The following NIPSNAP2 variants were observed in gnomAD, a reference collection of about 807,000 sequenced individuals.
NIPSNAP2 encodes the protein nipsnap homolog 2.
A neutral mutation model predicts 48.4 loss-of-function variants in NIPSNAP2; 42 were observed. The observed-to-expected ratio is 0.87, with a 90% CI of 0.68 to 1.12. The LOEUF (loss-of-function observed/expected upper bound fraction) is 1.12. Ranked by LOEUF, NIPSNAP2 falls within the 50% of genes most tolerant of loss-of-function variation. The pLI is 0.00. For missense variants in NIPSNAP2, 314 were observed against 347.3 expected, an observed-to-expected ratio of 0.90 and a Z score of 0.76; for synonymous variants, 158 against 126.6, an observed-to-expected ratio of 1.25 and a Z score of -1.67.
intron 1 of NIPSNAP2, among the ~76,000 whole-genome samples, chr7:55,969,558 G>A (rs1055860085): frequency 1.3e-5 from 2 of 152,252 alleles, no homozygotes; most frequent in South Asian, 4.1e-4. Context: ...TCATTGAAGA[G>A]CTTGTCTGTT....
At chr7:55,967,365 C>T (rs183425986) in intron 1 of NIPSNAP2, among the ~76,000 whole-genome samples, 47 of 152,316 alleles carry the variant, frequency 3.1e-4, no homozygotes, top group African/African-American at 1.1e-3. Context: ...GTCTTGAATC[C>T]ACCCTCTCCA....
intron 1 of NIPSNAP2, among the ~76,000 whole-genome samples, chr7:55,966,882 G>A (rs1269363951): frequency 6.6e-6 from 1 of 152,192 alleles, no homozygotes; most frequent in African/African-American, 2.4e-5. Context: ...GATGTGCAGC[G>A]TATATAGGCT....
At chr7:55,974,311 T>A (rs1353731220) in intron 1 of NIPSNAP2, among the ~76,000 whole-genome samples, 1 of 151,198 alleles carries the variant, frequency 6.6e-6, no homozygotes, top group Non-Finnish European at 1.5e-5. Context: ...TCATGTGAAA[T>A]TTAGAGCCCT....
chr7:55,964,907 G>T (rs891406693), intron 1 of NIPSNAP2: 1 of 208,168 alleles, frequency 4.8e-6, no homozygotes, highest in East Asian at 1.1e-4. Context: ...CGGAGGGGAC[G>T]GGCCGCTCTG....
At chr7:55,978,595 A>G in intron 3 of NIPSNAP2, 200 bp downstream of exon 3, 1 of 570,904 alleles carries the variant, frequency 1.8e-6, no homozygotes, top group Non-Finnish European at 3.1e-6. Context: ...CTAAATCATC[A>G]TATAGGCTAT....
At chr7:55,983,333 A>T (rs543676427) in intron 5 of NIPSNAP2, among the ~76,000 whole-genome samples, 1 of 152,344 alleles carries the variant, frequency 6.6e-6, no homozygotes, top group East Asian at 1.9e-4. Flanking sequence ...GCCACACATC[A>T]TTAAGAAAGA....
chr7:55,995,978 C>CA (rs373424949), intron 8 of NIPSNAP2, among the ~76,000 whole-genome samples: 192 of 150,232 alleles, frequency 1.3e-3, no homozygotes, highest in African/African-American at 4.0e-3. Flanking sequence ...GACCCTGTCT[C>CA]AAAAAAAAAT....
chr7:55,994,572 G>T (rs950566288), intron 7 of NIPSNAP2, among the ~76,000 whole-genome samples: 2 of 152,102 alleles, frequency 1.3e-5, no homozygotes, highest in African/African-American at 4.8e-5. Flanking sequence ...AATTAGCCGA[G>T]CATGGTGGCG....
Position 55,964,641 on chromosome 7 carries a change from C to T in NIPSNAP2, c.32C>T (p.Ala11Val). Residue 11 changes from alanine to valine, a missense_variant, in exon 1 of 10, where the codon GCG becomes GTG. By Grantham distance (64) the Ala-to-Val change is moderately conservative. Around this residue, in one of 2 missense-constraint regions of NIPSNAP2, gnomAD observed 198 missense variants for 185.5 expected, o/e 1.07. Coordinates refer to ENST00000322090, the MANE Select transcript of NIPSNAP2 (RefSeq NM_001483.3). MAARVLRARG[A>V]AWAGGLLQRA... Reference sequence around the variant, plus strand: ...GCGCGAGTGCTGCGCGCCCGCGGAGCGGCCTGGGCCGGCGGCCTCCTGCAG... The same window carrying T: ...GCGCGAGTGCTGCGCGCCCGCGGAGTGGCCTGGGCCGGCGGCCTCCTGCAG... 2 of 1,082,050 alleles carry T rather than the reference C, an allele frequency of 1.8e-6. No individual in the cohort carries two copies. The highest frequency in any genetic ancestry group is 2.2e-6 in the Non-Finnish European group (2 of 893,410). 67.0% of individuals were successfully genotyped at this position (1,082,050 alleles called of 1,614,324 possible). A position where few individuals can be genotyped will look rare whatever the true frequency, so the allele number is the denominator to read the frequency against.
At chr7:55,968,068 G>A (rs1223758503) in intron 1 of NIPSNAP2, among the ~76,000 whole-genome samples, 1 of 152,120 alleles carries the variant, frequency 6.6e-6, no homozygotes, top group African/African-American at 2.4e-5. Context: ...AGGATTATAG[G>A]TGTGAGCCAT....
chr7:55,994,014 G>T (rs1368686277), intron 7 of NIPSNAP2, among the ~76,000 whole-genome samples: 1 of 152,138 alleles, frequency 6.6e-6, no homozygotes, highest in Non-Finnish European at 1.5e-5. Flanking sequence ...CCTCTGTATG[G>T]CATCCAAGAA....
intron 1 of NIPSNAP2, among the ~76,000 whole-genome samples, chr7:55,969,343 G>A (rs1411564618): frequency 1.3e-5 from 2 of 151,288 alleles, no homozygotes; most frequent in East Asian, 2.0e-4. Context: ...TCTCTCCCCC[G>A]GGTCTGTGCT....
At chr7:55,984,425 G>C (rs34719521) in intron 6 of NIPSNAP2, among the ~76,000 whole-genome samples, 17,049 of 150,066 alleles carry the variant, frequency 0.11, 1,551 homozygotes, top group African/African-American at 0.25. Flanking sequence ...AAATTAAAAA[G>C]TAAAGTTTTG....
rs199976907 is a variant in NIPSNAP2, at chr7:55,967,225, GTTC to G, written c.92+2529_92+2531del. 1.1e-4 allele frequency among the ~76,000 whole-genome samples: 16 copies of G among 152,318 alleles called. No homozygotes were observed. In the East Asian group the frequency reaches 3.1e-3, roughly 29 times the overall value. Reference sequence around the variant, plus strand: ...CTGTGAAGCCTGCTTTTCTTTGGTTGTTCTTCTCCAGTCATGAAACATTTTCCA... The same window carrying G: ...CTGTGAAGCCTGCTTTTCTTTGGTTGTTCTCCAGTCATGAAACATTTTCCA... On this transcript the variant is annotated intron_variant, in intron 1 of 9. Coordinates refer to ENST00000322090, the MANE Select transcript of NIPSNAP2 (RefSeq NM_001483.3).
At chr7:55,990,555 G>C (rs1584349808) in intron 7 of NIPSNAP2, among the ~76,000 whole-genome samples, 1 of 152,164 alleles carries the variant, frequency 6.6e-6, no homozygotes, top group South Asian at 2.1e-4. Context: ...AGGGGGAGAT[G>C]TGTGTGTTTA....
intron 8 of NIPSNAP2, 72 bp from the exon 9 acceptor site, chr7:55,997,294 C>CT (rs2116382229): frequency 9.0e-7 from 1 of 1,115,484 alleles, no homozygotes; most frequent in Non-Finnish European, 1.4e-6. Flanking sequence ...TGAAGCAAGA[C>CT]TTTAACGGAT....
intron 7 of NIPSNAP2, among the ~76,000 whole-genome samples, chr7:55,989,986 C>T (rs1787410743): frequency 3.3e-5 from 5 of 150,390 alleles, no homozygotes; most frequent in Admixed American, 3.3e-4. Context: ...GGTGTGGTGG[C>T]GAGCACCTGT....
At chr7:55,976,087 A>T (rs1787102781) in intron 1 of NIPSNAP2, among the ~76,000 whole-genome samples, 1 of 151,924 alleles carries the variant, frequency 6.6e-6, no homozygotes, top group South Asian at 2.1e-4. Flanking sequence ...TTGTTCAGAT[A>T]GTTCAGAAGG....
chr7:55,981,009 C>T (rs981573622), intron 3 of NIPSNAP2: 3 of 152,638 alleles, frequency 2.0e-5, no homozygotes, highest in Admixed American at 6.5e-5. Flanking sequence ...GCTGGTACTG[C>T]TTGTGTTGTC....
Sources: gnomAD v4.1 joint callset for allele counts (sites outside exome capture counted in the v4.1 genomes callset) on GRCh38, gnomAD v4.1.1 for gene constraint, gnomAD v4.1.1 regional missense constraint, MANE v1.5 for transcripts, NCBI Gene and HGNC (gene_info 2026-07-23, HGNC 2026-07-21) for gene names.